CD96: variants seen among roughly 807,000 people sequenced by gnomAD.
The protein encoded by CD96 is CD96 molecule, also known as T-cell surface protein tactile.
A neutral mutation model predicts 71.3 loss-of-function variants in CD96; 70 were observed. The ratio of observed to expected loss-of-function variants is 0.98; its 90% CI spans 0.81 to 1.20. The LOEUF is 1.20. Ranked by LOEUF, CD96 falls within the 50% of genes most tolerant of loss-of-function variation. The pLI is 0.00. For missense variants in CD96, 742 were observed against 677.5 expected (o/e 1.10, Z -1.06); for synonymous variants, 248 against 233.0 (o/e 1.06, Z -0.59).
Position 111,649,931 on chromosome 3 carries a change from G to C in CD96, c.*125G>C, listed in dbSNP as rs116117825. ...GCTGCAGCTGAAATGGAAGTCAGAA[G>C]TGAGTGACCTGTTTTCCCAGCAACT... On this transcript the variant is annotated 3_prime_UTR_variant, in exon 14 of 14. Coordinates refer to ENST00000352690, the MANE Select transcript of CD96 (RefSeq NM_005816.5). The C allele has an allele frequency of 1.4e-5, 10 of 731,624 alleles. No individual in the cohort carries two copies. Among genetic ancestry groups the C allele is most frequent in the Non-Finnish European group, 2.5e-5 (10 of 406,560 alleles). 45.3% of individuals were successfully genotyped at this position (731,624 alleles called of 1,614,324 possible).
chr3:111,552,760 G>A (rs1360649951), intron 2 of CD96, among the ~76,000 whole-genome samples: 1 of 152,170 alleles, frequency 6.6e-6, no homozygotes, highest in African/African-American at 2.4e-5. Flanking sequence ...GGAAGAAAGG[G>A]ATTGTTTTGT....
intron 13 of CD96, among the ~76,000 whole-genome samples, chr3:111,647,958 C>A (rs940026352): frequency 2.6e-5 from 4 of 152,174 alleles, no homozygotes; most frequent in African/African-American, 7.2e-5. Flanking sequence ...CTCCTCAAAA[C>A]TAAAACTGAT....
chr3:111,606,979 G>A (rs1008004617), intron 8 of CD96, 187 bp downstream of exon 8: 5 of 651,070 alleles, frequency 7.7e-6, no homozygotes, highest in African/African-American at 7.2e-5. Flanking sequence ...CATTTAAAAT[G>A]TATGATCTAA....
chr3:111,618,866 C>T (rs887880069), intron 8 of CD96, among the ~76,000 whole-genome samples: 1 of 152,036 alleles, frequency 6.6e-6, no homozygotes, highest in Non-Finnish European at 1.5e-5. Flanking sequence ...CCACTGCGCC[C>T]GGCCTCGCTT....
chr3:111,578,552 T>C (rs1936325152), intron 3 of CD96, among the ~76,000 whole-genome samples: 1 of 152,338 alleles, frequency 6.6e-6, no homozygotes, highest in African/African-American at 2.4e-5. Context: ...TACCTGATCC[T>C]AGTCCAGGCT....
chr3:111,578,619 A>T (rs760828457), intron 3 of CD96, among the ~76,000 whole-genome samples: 4 of 152,236 alleles, frequency 2.6e-5, no homozygotes, highest in Non-Finnish European at 5.9e-5. Context: ...AGCTGTAATC[A>T]TCCAGTTTAA....
intron 2 of CD96, among the ~76,000 whole-genome samples, chr3:111,546,919 T>TATACACACACACAC (rs1553696896): frequency 7.2e-6 from 1 of 138,088 alleles, no homozygotes; most frequent in Admixed American, 7.4e-5. Flanking sequence ...CACAGACACA[T>TATACACACACACAC]ACACACACAC....
At position 111,598,039 on chromosome 3, in the gene CD96, C is replaced by CTTGTG. The variant is rs1553705383; in HGVS notation, c.808-79_808-78insGTGTT. The CTTGTG allele has an allele frequency of 4.0e-6, 3 of 758,094 alleles. No individual in the cohort carries two copies. In the African/African-American group the frequency reaches 5.2e-5, roughly 13 times the overall value. 47.0% of individuals were successfully genotyped at this position (758,094 alleles called of 1,614,324 possible). On this transcript the variant is annotated intron_variant, in intron 5 of 13. Coordinates refer to ENST00000352690, the MANE Select transcript of CD96 (RefSeq NM_005816.5). ...AAATGGAGAAACTCTTTTTTGCCAA[C>CTTGTG]TTATATGAATGTTAGTAAGTTGTAA...
intron 10 of CD96, among the ~76,000 whole-genome samples, chr3:111,631,506 C>G (rs1473426451): frequency 1.3e-5 from 2 of 151,928 alleles, no homozygotes; most frequent in Non-Finnish European, 2.9e-5. Context: ...GACACAAATG[C>G]AAAAACATTC....
At chr3:111,603,182 C>G (rs893062164) in intron 7 of CD96, among the ~76,000 whole-genome samples, 1 of 152,182 alleles carries the variant, frequency 6.6e-6, no homozygotes, top group Non-Finnish European at 1.5e-5. Context: ...TGGCTCATGC[C>G]TGCAATCCCA....
At position 111,593,689 on chromosome 3, in the gene CD96, C is replaced by T. The variant is rs776869952; in HGVS notation, c.808-4431C>T. 7 of 1,613,602 alleles carry T rather than the reference C, an allele frequency of 4.3e-6. No individual in the cohort carries two copies. The East Asian group carries it at 6.7e-5, about 15-fold the overall frequency. ...CTCGCTCCCTTTTTTCCACAGCCCT[C>T]TCCCGCCATTCCACTGCCCTTTCCC... On this transcript the variant is annotated intron_variant, in intron 5 of 13. Coordinates refer to ENST00000352690, the MANE Select transcript of CD96 (RefSeq NM_005816.5).
chr3:111,629,923 A>T (rs1257226759), intron 10 of CD96, among the ~76,000 whole-genome samples: 1 of 152,222 alleles, frequency 6.6e-6, no homozygotes, highest in Non-Finnish European at 1.5e-5. Flanking sequence ...CTTTCAGGTT[A>T]ATAATGAAAT....
chr3:111,664,231 T>C (rs1940427590), intron 14 of CD96, among the ~76,000 whole-genome samples: 1 of 152,154 alleles, frequency 6.6e-6, no homozygotes, highest in South Asian at 2.1e-4. Flanking sequence ...ACTGTGCCCT[T>C]CACAGTATCA....
intron 2 of CD96, among the ~76,000 whole-genome samples, chr3:111,562,969 C>T (rs1935529435): frequency 6.6e-6 from 1 of 152,202 alleles, no homozygotes; most frequent in South Asian, 2.1e-4. Flanking sequence ...TCTCACAGTT[C>T]TGGAGGTTGA....
chr3:111,571,746 T>C (rs1249950008), intron 3 of CD96, among the ~76,000 whole-genome samples: 5 of 152,232 alleles, frequency 3.3e-5, no homozygotes, highest in Admixed American at 2.6e-4. Flanking sequence ...CCTTTCAAAA[T>C]GTCAAAATCT....
chr3:111,659,515 C>T (rs1028620962), intron 14 of CD96, among the ~76,000 whole-genome samples: 3 of 152,170 alleles, frequency 2.0e-5, no homozygotes, highest in African/African-American at 7.2e-5. Context: ...CCTCTTAACA[C>T]TGCTTTGGCT....
chr3:111,623,718 A>G (rs1938613096), intron 8 of CD96, 36 bp from the exon 9 acceptor site: 3 of 1,287,260 alleles, frequency 2.3e-6, no homozygotes, highest in Middle Eastern at 1.8e-4. Context: ...GAATGTAAAT[A>G]CATATAATAA....
chr3:111,570,573 A>G, intron 3 of CD96: 4 of 1,442,122 alleles, frequency 2.8e-6, no homozygotes, highest in Non-Finnish European at 3.8e-6. Flanking sequence ...GGGGCACTAG[A>G]TCCTTGGCAA....
chr3:111,656,886 A>C (rs151132337), downstream of CD96, among the ~76,000 whole-genome samples: 77 of 152,284 alleles, frequency 5.1e-4, no homozygotes, highest in South Asian at 2.3e-3. Flanking sequence ...TGAGGGGTAA[A>C]GAAGGAAGAG....
Sources: gnomAD v4.1 joint callset for allele counts (sites outside exome capture counted in the v4.1 genomes callset) on GRCh38, gnomAD v4.1.1 for gene constraint, MANE v1.5 for transcripts, NCBI Gene and HGNC (gene_info 2026-07-23, HGNC 2026-07-21) for gene names.